Variants in PLEKHG1 observed in about 807,000 individuals in gnomAD.
PLEKHG1 encodes pleckstrin homology domain-containing family G member 1.
PLEKHG1 carries 44 observed loss-of-function variants against 100.8 expected under a neutral mutation model. The ratio of observed to expected loss-of-function variants is 0.44; its 90% CI spans 0.34 to 0.56. The LOEUF is 0.56. Ranked by LOEUF, PLEKHG1 falls within the 20% of genes least tolerant of loss-of-function variation. The pLI is 0.01. For synonymous variants in PLEKHG1, 640 were observed against 662.5 expected (o/e 0.97, Z 0.52); for missense variants, 1,545 against 1,720.9 (o/e 0.90, Z 1.81).
chr6:150,728,522 G>C (rs1410712349), intron 1 of PLEKHG1, among the ~76,000 whole-genome samples: 1 of 152,040 alleles, frequency 6.6e-6, no homozygotes, highest in African/African-American at 2.4e-5. Context: ...CCAGGAGTGA[G>C]CCATGATTGT....
At chr6:150,674,979 G>A (rs762903512) in intron 3 of PLEKHG1, among the ~76,000 whole-genome samples, 7 of 151,928 alleles carry the variant, frequency 4.6e-5, no homozygotes, top group Non-Finnish European at 7.4e-5. Flanking sequence ...CACCATGCCC[G>A]GCCACCTCAA....
chr6:150,665,934 C>G (rs2128582691), intron 3 of PLEKHG1, among the ~76,000 whole-genome samples: 1 of 152,266 alleles, frequency 6.6e-6, no homozygotes, highest in South Asian at 2.1e-4. Flanking sequence ...AACTTGGCCT[C>G]ACTGAGCCAT....
chr6:150,738,672 T>C (rs889124181), intron 2 of PLEKHG1, among the ~76,000 whole-genome samples: 9 of 152,220 alleles, frequency 5.9e-5, no homozygotes, highest in Non-Finnish European at 1.3e-4. Context: ...TTGCTCTTCA[T>C]TCTTCCCCAG....
intron 3 of PLEKHG1, among the ~76,000 whole-genome samples, chr6:150,669,744 C>T (rs866503316): frequency 2.9e-4 from 44 of 151,890 alleles, no homozygotes; most frequent in Middle Eastern, 6.8e-3. Flanking sequence ...TTACAGGCGC[C>T]TGCCACCACG....
chr6:150,655,692 A>AGT (rs1778936455), intron 3 of PLEKHG1, among the ~76,000 whole-genome samples: 1 of 131,080 alleles, frequency 7.6e-6, no homozygotes, highest in African/African-American at 2.9e-5. Context: ...TGGGTGACAG[A>AGT]GTGAGACTCC....
At chr6:150,760,047 T>A (rs1192422219) in intron 2 of PLEKHG1, among the ~76,000 whole-genome samples, 1 of 152,026 alleles carries the variant, frequency 6.6e-6, no homozygotes, top group African/African-American at 2.4e-5. Flanking sequence ...CAGTGAGGAG[T>A]TAAAATTCAG....
At chr6:150,800,112 A>G (rs2172693) in intron 5 of PLEKHG1, among the ~76,000 whole-genome samples, 7,231 of 152,190 alleles carry the variant, frequency 0.048, 254 homozygotes, top group East Asian at 0.13. Flanking sequence ...TATAAGGTTA[A>G]CAATTTGGAG....
intron 1 of PLEKHG1, among the ~76,000 whole-genome samples, chr6:150,613,587 A>T (rs1776940168): frequency 6.6e-6 from 1 of 152,214 alleles, no homozygotes; most frequent in African/African-American, 2.4e-5. Context: ...TGCGAGGGGA[A>T]GCAGTAGAAA....
intron 3 of PLEKHG1, among the ~76,000 whole-genome samples, chr6:150,652,729 AAAAAAAG>A (rs373013427): frequency 3.3e-5 from 5 of 152,152 alleles, no homozygotes; most frequent in South Asian, 2.1e-4. Flanking sequence ...TCAAAAAAAA[AAAAAAAG>A]AAAAAAGGAA....
At chr6:150,675,444 G>A (rs961409148) in intron 3 of PLEKHG1, among the ~76,000 whole-genome samples, 2 of 152,148 alleles carry the variant, frequency 1.3e-5, no homozygotes, top group Admixed American at 6.5e-5. Flanking sequence ...TTTCTCTCAC[G>A]CTTTCTGGAT....
chr6:150,832,149 T>C, exon 15 of PLEKHG1: 1 of 1,612,802 alleles, frequency 6.2e-7, no homozygotes, highest in Non-Finnish European at 8.5e-7. Context: ...CAGAAATCCA[T>C]GCACAAAGAC....
At chr6:150,710,814 C>T (rs2279628) in intron 3 of PLEKHG1, among the ~76,000 whole-genome samples, 16,347 of 152,064 alleles carry the variant, frequency 0.11, 969 homozygotes, top group South Asian at 0.18. Context: ...CCTGGTTGAC[C>T]TCTTCTCAAC....
intron 2 of PLEKHG1, among the ~76,000 whole-genome samples, chr6:150,744,374 C>T (rs1783039089): frequency 1.3e-5 from 2 of 151,948 alleles, no homozygotes; most frequent in African/African-American, 4.8e-5. Context: ...GCGCCTGGCC[C>T]CTGCCCTTCT....
intron 14 of PLEKHG1, among the ~76,000 whole-genome samples, chr6:150,824,355 G>C (rs1166655912): frequency 6.6e-6 from 1 of 152,130 alleles, no homozygotes; most frequent in Non-Finnish European, 1.5e-5. Context: ...TTAGAGAACT[G>C]ATCATGGCTC....
chr6:150,646,880 A>G (rs1778525185), intron 2 of PLEKHG1, among the ~76,000 whole-genome samples: 1 of 152,174 alleles, frequency 6.6e-6, no homozygotes, highest in Non-Finnish European at 1.5e-5. Context: ...CTGGAAATTC[A>G]TGGGAGGAAC....
At chr6:150,622,719 A>G (rs1777352053) in intron 1 of PLEKHG1, among the ~76,000 whole-genome samples, 3 of 152,212 alleles carry the variant, frequency 2.0e-5, no homozygotes, top group Admixed American at 6.5e-5. Flanking sequence ...TCCTCTAGGC[A>G]TCCTCTGCCC....
intron 3 of PLEKHG1, among the ~76,000 whole-genome samples, chr6:150,781,395 C>T (rs1273924452): frequency 1.3e-5 from 2 of 151,474 alleles, no homozygotes; most frequent in East Asian, 4.1e-4. Context: ...ATCCCAGCTA[C>T]TGGGGAGGCT....
chr6:150,824,156 G>A (rs768500116), intron 14 of PLEKHG1, among the ~76,000 whole-genome samples: 1 of 152,234 alleles, frequency 6.6e-6, no homozygotes, highest in Non-Finnish European at 1.5e-5. Flanking sequence ...ATGATCGAAT[G>A]AGACTTTGTC....
chr6:150,808,873 A>T (rs1026845037), intron 7 of PLEKHG1, among the ~76,000 whole-genome samples: 1 of 152,198 alleles, frequency 6.6e-6, no homozygotes, highest in African/African-American at 2.4e-5. Flanking sequence ...TAAGGAATGG[A>T]AATAAGTAAT....
Sources: gnomAD v4.1 joint callset for allele counts (sites outside exome capture counted in the v4.1 genomes callset) on GRCh38, gnomAD v4.1.1 for gene constraint, MANE v1.5 for transcripts, NCBI Gene and HGNC (gene_info 2026-07-23, HGNC 2026-07-21) for gene names.